The following JAKMIP2 variants were observed in gnomAD, a reference collection of about 807,000 sequenced individuals.
JAKMIP2 encodes janus kinase and microtubule interacting protein 2.
JAKMIP2 carries 25 observed loss-of-function variants against 115.0 expected under a neutral mutation model. The ratio of observed to expected loss-of-function variants is 0.22; its 90% CI spans 0.16 to 0.30. JAKMIP2 has a LOEUF of 0.30. JAKMIP2 is among the 10% of genes least tolerant of loss of function. The pLI is 1.00. For synonymous variants in JAKMIP2, 334 were observed against 343.6 expected (o/e 0.97, Z 0.31); for missense variants, 642 against 957.6 (o/e 0.67, Z 4.35).
At chr5:147,693,381 C>T (rs778676967) in intron 1 of JAKMIP2, among the ~76,000 whole-genome samples, 5 of 152,138 alleles carry the variant, frequency 3.3e-5, no homozygotes, top group African/African-American at 4.8e-5. Context: ...ACATTTTCAC[C>T]ATTAATATTA....
intron 3 of JAKMIP2, among the ~76,000 whole-genome samples, chr5:147,660,009 G>A (rs1407597630): frequency 6.6e-6 from 1 of 152,170 alleles, no homozygotes; most frequent in African/African-American, 2.4e-5. Flanking sequence ...AAAAGGAAAA[G>A]TGTAGTTTTT....
At chr5:147,675,790 T>C (rs967005491) in intron 1 of JAKMIP2, among the ~76,000 whole-genome samples, 1 of 142,318 alleles carries the variant, frequency 7.0e-6, no homozygotes, top group African/African-American at 3.0e-5. Flanking sequence ...GACATTTTTT[T>C]TTTTTTTTTT....
chr5:147,682,998 T>C (rs568773946), intron 1 of JAKMIP2, among the ~76,000 whole-genome samples: 6 of 152,300 alleles, frequency 3.9e-5, no homozygotes, highest in African/African-American at 1.4e-4. Context: ...TATAGTCTTA[T>C]TTTATTGTAT....
intron 1 of JAKMIP2, among the ~76,000 whole-genome samples, chr5:147,686,440 T>C (rs1760576204): frequency 6.6e-6 from 1 of 152,140 alleles, no homozygotes; most frequent in African/African-American, 2.4e-5. Context: ...GGAAATAAAT[T>C]GGATACCCTA....
chr5:147,620,796 G>A (rs71580442), intron 17 of JAKMIP2, 53 bp from the exon 18 acceptor site: 142,225 of 1,209,440 alleles, frequency 0.12, 9,986 homozygotes, highest in Non-Finnish European at 0.15. Flanking sequence ...AGAAAGTGAC[G>A]TACAAATGGT....
At chr5:147,686,129 G>A (rs1190449904) in intron 1 of JAKMIP2, among the ~76,000 whole-genome samples, 2 of 152,168 alleles carry the variant, frequency 1.3e-5, no homozygotes, top group Admixed American at 6.5e-5. Context: ...GGGCTCTAAA[G>A]TGCCTCTCCT....
chr5:147,711,653 G>A (rs1751611562), intron 1 of JAKMIP2, among the ~76,000 whole-genome samples: 1 of 152,138 alleles, frequency 6.6e-6, no homozygotes, highest in African/African-American at 2.4e-5. Flanking sequence ...ATCATAGTGT[G>A]TAACCCATAG....
intron 1 of JAKMIP2, among the ~76,000 whole-genome samples, chr5:147,685,970 G>A (rs910222931): frequency 6.6e-6 from 1 of 152,142 alleles, no homozygotes; most frequent in Non-Finnish European, 1.5e-5. Flanking sequence ...AATTCAGTGA[G>A]GACAAGTGGA....
chr5:147,616,755 A>G (rs1240538099), intron 19 of JAKMIP2, among the ~76,000 whole-genome samples: 1 of 152,164 alleles, frequency 6.6e-6, no homozygotes, highest in Non-Finnish European at 1.5e-5. Context: ...ATTAATAGGA[A>G]CATGTAGGTA....
At chr5:147,643,786 C>T (rs1402571223) in intron 7 of JAKMIP2, among the ~76,000 whole-genome samples, 1 of 152,158 alleles carries the variant, frequency 6.6e-6, no homozygotes, top group Non-Finnish European at 1.5e-5. Context: ...TACCTACAAA[C>T]TTATACAACG....
At chr5:147,769,732 T>C (rs1755280553) in intron 1 of JAKMIP2, among the ~76,000 whole-genome samples, 1 of 151,560 alleles carries the variant, frequency 6.6e-6, no homozygotes, top group African/African-American at 2.4e-5. Flanking sequence ...GGGTATTTTG[T>C]GTAGAGCGCC....
At chr5:147,647,070 CAT>C (rs2126735529) in intron 5 of JAKMIP2, among the ~76,000 whole-genome samples, 1 of 152,058 alleles carries the variant, frequency 6.6e-6, no homozygotes, top group East Asian at 1.9e-4. Context: ...AAACATGTAA[CAT>C]TGCTAAAATT....
At position 147,617,815 on chromosome 5, in the gene JAKMIP2, T is replaced by C. The variant is rs1756661970; in HGVS notation, c.2346+96A>G. 7.8e-6 allele frequency: 7 copies of C among 893,514 alleles called. No individual in the cohort carries two copies. In the South Asian group the frequency reaches 9.0e-5, roughly 11 times the overall value. 55.3% of individuals were successfully genotyped at this position (893,514 alleles called of 1,614,324 possible). ...CTCTCTGAAAATAACTTGTATCTCC[T>C]GGGCTTCTCCGTACCCATACTCAAT... On this transcript the variant is annotated intron_variant, in intron 19 of 21. Transcript: ENST00000616793.
intron 1 of JAKMIP2, among the ~76,000 whole-genome samples, chr5:147,687,776 C>T (rs1360203124): frequency 6.6e-6 from 1 of 152,150 alleles, no homozygotes; most frequent in Non-Finnish European, 1.5e-5. Context: ...TTAATAATAA[C>T]TCTATTGCAA....
intron 1 of JAKMIP2, among the ~76,000 whole-genome samples, chr5:147,748,629 T>C (rs1754439822): frequency 6.6e-6 from 1 of 152,162 alleles, no homozygotes. Flanking sequence ...GGAGATGCTG[T>C]CTTTCCTTTT....
At chr5:147,715,436 C>T (rs1752938123) in intron 1 of JAKMIP2, among the ~76,000 whole-genome samples, 1 of 150,910 alleles carries the variant, frequency 6.6e-6, no homozygotes, top group Non-Finnish European at 1.5e-5. Context: ...TTAATATACA[C>T]ATATAAAATA....
Position 147,641,720 on chromosome 5 carries a change from GGAACTT to G in JAKMIP2, c.1263_1268del (p.Arg421_Ser422del). 2 of 1,612,468 alleles carry G rather than the reference GGAACTT, an allele frequency of 1.2e-6. No homozygotes were observed. Among genetic ancestry groups the G allele is most frequent in the Non-Finnish European group, 1.7e-6 (2 of 1,178,744 alleles). ...GATTTCTTATTACCTTAATTGGCTT[GGAACTT>G]CTTCTATGCTTTCTTCTACGGATGA... On this transcript the variant is annotated inframe_deletion, in exon 8 of 22. Coordinates refer to ENST00000616793, the MANE Select transcript of JAKMIP2 (RefSeq NM_001270941.2).
chr5:147,743,268 A>G (rs1229935674), intron 1 of JAKMIP2, among the ~76,000 whole-genome samples: 2 of 152,234 alleles, frequency 1.3e-5, no homozygotes, highest in African/African-American at 4.8e-5. Flanking sequence ...CATTATCTAA[A>G]TAAAACTTAT....
intron 21 of JAKMIP2, among the ~76,000 whole-genome samples, chr5:147,600,087 G>GTTTTTTTTTT (rs369043130): frequency 1.5e-5 from 1 of 67,942 alleles, no homozygotes; most frequent in African/African-American, 6.2e-5. Flanking sequence ...TTTATTTACT[G>GTTTTTTTTTT]TTTTTTTTTT....
Sources: allele counts gnomAD v4.1 joint callset (sites outside exome capture counted in the v4.1 genomes callset), GRCh38; gene constraint gnomAD v4.1.1; transcripts MANE v1.5; gene names NCBI Gene and HGNC (gene_info 2026-07-23, HGNC 2026-07-21).